Variants in SLC22A17 observed in about 807,000 individuals in gnomAD.
SLC22A17 encodes the protein 24p3 receptor.
In SLC22A17, 38 loss-of-function variants were observed where a neutral mutation model predicts 53.6. The ratio of observed to expected loss-of-function variants is 0.71; its 90% confidence interval spans 0.55 to 0.93. The LOEUF (loss-of-function observed/expected upper bound fraction) is 0.93. SLC22A17 is among the 40% of genes least tolerant of loss of function. The probability of loss-of-function intolerance (pLI) is 0.00; values close to 1 mark genes in which losing one functional copy is unlikely to be tolerated. For synonymous variants in SLC22A17, 379 were observed against 353.0 expected (o/e 1.07, Z -0.82); for missense variants, 704 against 791.0 (o/e 0.89, Z 1.32).
chr14:23,351,954 G>C, exon 2 of SLC22A17: 1 of 1,612,708 alleles, frequency 6.2e-7, no homozygotes, highest in Non-Finnish European at 8.5e-7. Flanking sequence ...TCACCTGGCC[G>C]ATGGCGTTGG....
Position 23,348,108 on chromosome 14 carries a change from G to A in SLC22A17, c.1171+53C>T. ...TGGCACAGCTACAGCCATGCAGAGG[G>A]CACCATCATGTGTGCAAGTGAGGCA... On this transcript the variant is annotated intron_variant, in intron 6 of 9. Transcript: ENST00000397267. This position sits in a 1 kb window ranked among gnomAD's most constrained non-coding sequence, Gnocchi z 4.5. 6.2e-7 allele frequency: 1 copy of A among 1,611,634 alleles called. No homozygotes were observed. Among genetic ancestry groups the A allele is most frequent in the Non-Finnish European group, 8.5e-7 (1 of 1,178,494 alleles).
Position 23,352,878 on chromosome 14 carries a change from T to A in SLC22A17, c.-137A>T. The A allele has an allele frequency of 2.5e-6, 1 of 397,088 alleles. No homozygotes were observed. The highest frequency in any genetic ancestry group is 4.4e-6 in the Non-Finnish European group (1 of 225,252). 24.6% of individuals were successfully genotyped at this position (397,088 alleles called of 1,614,324 possible). On this transcript the variant is annotated 5_prime_UTR_variant, in exon 1 of 10. Coordinates refer to ENST00000397267, the Ensembl canonical transcript of SLC22A17. This position sits in a 1 kb window ranked among gnomAD's most constrained non-coding sequence, Gnocchi z 7.2. Reference sequence around the variant, plus strand: ...AGCTCTGCAGCCGCGGGCGCCTCCTTGGTCTCTGCGATCTCTGCGCTGCTT... The same window carrying A: ...AGCTCTGCAGCCGCGGGCGCCTCCTAGGTCTCTGCGATCTCTGCGCTGCTT...
intron 3 of SLC22A17, 39 bp downstream of exon 3, chr14:23,351,713 C>A (rs771459884): frequency 1.3e-5 from 20 of 1,570,228 alleles, no homozygotes; most frequent in Non-Finnish European, 1.7e-5. Context: ...CCTAGCACCC[C>A]CTCCTTTCTA....
At chr14:23,349,557 G>A (rs900681694) in intron 3 of SLC22A17, 131 bp from the exon 4 acceptor site, 3 of 1,132,912 alleles carry the variant, frequency 2.6e-6, no homozygotes, top group Non-Finnish European at 3.7e-6. Flanking sequence ...TTGGACAGAG[G>A]CTTGAGAAGA....
chr14:23,346,566 C>A, exon 10 of SLC22A17: 1 of 1,416,196 alleles, frequency 7.1e-7, no homozygotes, highest in Non-Finnish European at 9.2e-7. Flanking sequence ...CTGGGCAGCC[C>A]TGCCTTCCCT....
exon 10 of SLC22A17, chr14:23,346,742 C>G: frequency 1.3e-6 from 2 of 1,545,124 alleles, no homozygotes; most frequent in Non-Finnish European, 1.7e-6. Flanking sequence ...ACACAGCTCC[C>G]CGTCCCGGAG....
At position 23,348,258 on chromosome 14, in the gene SLC22A17, C is replaced by T. The variant is rs200925018; in HGVS notation, c.1074G>A (p.Arg358=). Residue 358 remains arginine, a synonymous_variant, in exon 6 of 10, where the codon CGG becomes CGA. Transcript: ENST00000397267. The surrounding 1 kb of genome is among the most constrained non-coding windows in gnomAD (Gnocchi z 4.5). Reference sequence around the variant, plus strand: ...GCACAGACTGAGCCTCCTCAATCTGCCGCTTCACTATCAGCCACCGTGCGG... The same window carrying T: ...GCACAGACTGAGCCTCCTCAATCTGTCGCTTCACTATCAGCCACCGTGCGG... 1.1e-5 allele frequency: 18 copies of T among 1,614,138 alleles called. No homozygotes were observed. The African/African-American group carries it at 1.9e-4, about 17-fold the overall frequency.
Position 23,347,633 on chromosome 14 carries a change from G to A in SLC22A17, c.1376C>T (p.Ala459Val). The A allele has an allele frequency of 6.2e-7, 1 of 1,614,024 alleles. No homozygotes were observed. Among genetic ancestry groups the A allele is most frequent in the Non-Finnish European group, 8.5e-7 (1 of 1,180,014 alleles). The change falls in exon 8 of 10, where the codon GCA becomes GTA. Residue 459 changes from alanine to valine, a missense_variant. Transcript: ENST00000397267. This position sits in a 1 kb window ranked among gnomAD's most constrained non-coding sequence, Gnocchi z 5.1. ...CCCCAGGAAGACACAGGCCAGGGCT[G>A]CGGTGCCGCTGGCCAGCAGAGAGCA...
chr14:23,352,085 C>G lies in SLC22A17; in HGVS notation c.463G>C (p.Ala155Pro). 6.3e-7 allele frequency: 1 copy of G among 1,593,656 alleles called. No homozygotes were observed. Among genetic ancestry groups the G allele is most frequent in the South Asian group, 1.1e-5 (1 of 88,436 alleles). ...GCGACACGGCTGGCGGCGCTGGCTG[C>G]TAGGGCAGCGCTGGCGACGCTGACG... Residue 155 changes from alanine to proline, a missense_variant, in exon 2 of 10, where the codon GCA becomes CCA. Coordinates refer to ENST00000397267, the Ensembl canonical transcript of SLC22A17. The surrounding 1 kb of genome is among the most constrained non-coding windows in gnomAD (Gnocchi z 7.2).
chr14:23,346,790 A>C, exon 10 of SLC22A17: 1 of 1,543,156 alleles, frequency 6.5e-7, no homozygotes. Context: ...CTCCGGCAGC[A>C]GCATAATGCT....
At position 23,347,234 on chromosome 14, in the gene SLC22A17, T is replaced by C. The variant is rs989857947; in HGVS notation, c.1550-22A>G. On this transcript the variant is annotated intron_variant, in intron 8 of 9. Coordinates refer to ENST00000397267, the Ensembl canonical transcript of SLC22A17. The surrounding 1 kb of genome is among the most constrained non-coding windows in gnomAD (Gnocchi z 5.1). Reference sequence around the variant, plus strand: ...AGATCTGCAGAAGCAAGAGGGATGATATGAATGCAGGTGGGGAGGTCAAGG... The same window carrying C: ...AGATCTGCAGAAGCAAGAGGGATGACATGAATGCAGGTGGGGAGGTCAAGG... 17 of 1,600,666 alleles carry C rather than the reference T, an allele frequency of 1.1e-5. No individual in the cohort carries two copies. The highest frequency in any genetic ancestry group is 2.2e-5 in the East Asian group (1 of 44,618).
chr14:23,346,591 ATCT>A, exon 10 of SLC22A17: 1 of 1,432,258 alleles, frequency 7.0e-7, no homozygotes, highest in South Asian at 1.5e-5. Context: ...AGTCTTCCCG[ATCT>A]TCTTGCCACC....
At position 23,348,615 on chromosome 14, in the gene SLC22A17, C is replaced by T. The variant is rs747309659; in HGVS notation, c.916G>A (p.Val306Met). ...AACAGGAAGTGCCCTCCCACCCCCA[C>T]CAACTCCCCTGCCAGGGCCACCCGA... is the stretch of plus-strand genomic sequence containing the variant. Residue 306 changes from valine (V) to methionine (M), a missense_variant, in exon 5 of 10, where the codon GTG becomes ATG. Physicochemically the swap from Val to Met is conservative, Grantham distance 21 (BLOSUM62 1). This residue lies in a region of SLC22A17 where 435 missense variants were observed against 529.0 expected (regional missense o/e 0.82). Coordinates refer to ENST00000397267, the Ensembl canonical transcript of SLC22A17. The surrounding 1 kb of genome is among the most constrained non-coding windows in gnomAD (Gnocchi z 4.5). 6.2e-7 allele frequency: 1 copy of T among 1,614,046 alleles called. No homozygotes were observed. Among genetic ancestry groups the T allele is most frequent in the Admixed American group, 1.7e-5 (1 of 60,014 alleles).
In SLC22A17 at chr14:23,352,047, G is replaced by A. The variant is rs774641507; in HGVS notation, c.501C>T (p.Asp167=). The change falls in exon 2 of 10, where the codon GAC becomes GAT. Residue 167 remains aspartate, a synonymous_variant. Coordinates refer to ENST00000397267, the Ensembl canonical transcript of SLC22A17. The surrounding 1 kb of genome is among the most constrained non-coding windows in gnomAD (Gnocchi z 7.2). ...GCGGGGCGAAGCCGCTGCACGAGGG[G>A]TCGGTACTGGTGGCGACACGGCTGG... 6.2e-7 allele frequency: 1 copy of A among 1,607,306 alleles called. No homozygotes were observed. The highest frequency in any genetic ancestry group is 8.5e-7 in the Non-Finnish European group (1 of 1,177,218).
At chr14:23,346,549 G>C in exon 10 of SLC22A17, 2 of 1,383,830 alleles carry the variant, frequency 1.4e-6, no homozygotes, top group Non-Finnish European at 1.9e-6. Flanking sequence ...AGGTGCCTCT[G>C]AGACTTCTGG....
chr14:23,346,565 C>T (rs1889190617), exon 10 of SLC22A17: 1 of 1,416,372 alleles, frequency 7.1e-7, no homozygotes, highest in Non-Finnish European at 9.2e-7. Flanking sequence ...TCTGGGCAGC[C>T]CTGCCTTCCC....
In SLC22A17 at chr14:23,352,459, G is replaced by T; in HGVS notation, c.97-8C>A. The stretch of plus-strand genomic sequence containing the variant: ...TCCGAGGGTCCCGACCTGCTGTTGG[G>T]GGGCAGGGGGTGGCAGGAGAAGGGT... On this transcript the variant is annotated splice_polypyrimidine_tract_variant and splice_region_variant and intron_variant, in intron 1 of 9. Transcript: ENST00000397267. This position sits in a 1 kb window ranked among gnomAD's most constrained non-coding sequence, Gnocchi z 7.2. 2.2e-6 allele frequency: 1 copy of T among 445,438 alleles called. No homozygotes were observed. Among genetic ancestry groups the T allele is most frequent in the South Asian group, 6.3e-5 (1 of 15,926 alleles). 27.6% of individuals were successfully genotyped at this position (445,438 alleles called of 1,614,324 possible). A position where few individuals can be genotyped will look rare whatever the true frequency, so the allele number is the denominator to read the frequency against.
chr14:23,351,997 T>G (rs1275538321), exon 2 of SLC22A17: 24 of 1,612,660 alleles, frequency 1.5e-5, no homozygotes, highest in Non-Finnish European at 1.8e-5. Context: ...ATAGTCCCAA[T>G]CCTTGAGGCA....
At chr14:23,351,593 G>C (rs771432552) in intron 3 of SLC22A17, 159 bp downstream of exon 3, 9 of 611,400 alleles carry the variant, frequency 1.5e-5, no homozygotes, top group Admixed American at 3.4e-5. Flanking sequence ...TCTTGATGGA[G>C]AGTGAAGTTG....
Sources: allele counts gnomAD v4.1 joint callset, GRCh38; gene constraint gnomAD v4.1.1; regional missense constraint gnomAD v4.1.1; non-coding constraint Gnocchi (gnomAD v3.1); transcripts MANE v1.5; gene names NCBI Gene and HGNC (gene_info 2026-07-23, HGNC 2026-07-21).